Variants in DYNC2H1 observed in about 807,000 individuals in gnomAD.
DYNC2H1 encodes dynein cytoplasmic 2 heavy chain 1.
In DYNC2H1, 410 loss-of-function variants were observed where a neutral mutation model predicts 570.0. The ratio of observed to expected loss-of-function variants is 0.72; its 90% confidence interval spans 0.66 to 0.78. DYNC2H1 has a LOEUF of 0.78. Among genes scored for constraint, DYNC2H1 ranks in the 30% least tolerant of loss-of-function variants. The pLI is 0.00. For synonymous variants in DYNC2H1, 1,688 were observed against 1,677.6 expected (o/e 1.01, Z -0.15); for missense variants, 4,865 against 5,046.4 (o/e 0.96, Z 1.09).
chr11:103,356,530 C>G (rs947001389), intron 82 of DYNC2H1, among the ~76,000 whole-genome samples: 1 of 152,026 alleles, frequency 6.6e-6, no homozygotes, highest in African/African-American at 2.4e-5. Flanking sequence ...TGTTTTCTGT[C>G]ATGTTTGACA....
At position 103,343,925 on chromosome 11, in the gene DYNC2H1, A is replaced by G. The variant is rs115981431; in HGVS notation, c.12040-14318A>G. On this transcript the variant is annotated intron_variant, in intron 82 of 88. Coordinates refer to ENST00000375735, the MANE Select transcript of DYNC2H1 (RefSeq NM_001377.3). ...TATTGCATATCTTATTTAAGACTAT[A>G]CACTTCAACAATTTCTACCTGTGAT... Among the ~76,000 whole-genome samples, 762 of 152,346 alleles carry G rather than the reference A, an allele frequency of 5.0e-3. 2 individuals carry two copies. Among genetic ancestry groups the G allele is most frequent in the African/African-American group, 0.018 (729 of 41,592 alleles).
intron 83 of DYNC2H1, among the ~76,000 whole-genome samples, chr11:103,362,320 CTTT>C (rs879453459): frequency 4.2e-5 from 3 of 71,618 alleles, no homozygotes; most frequent in African/African-American, 4.2e-5. Flanking sequence ...TAATTTTTTT[CTTT>C]TTTTTTTTTC....
intron 83 of DYNC2H1, among the ~76,000 whole-genome samples, chr11:103,375,994 C>A (rs2671378): frequency 4.7e-4 from 71 of 152,030 alleles, no homozygotes; most frequent in African/African-American, 6.3e-4. Flanking sequence ...TAATCCCCAC[C>A]TGTTATTTGA....
chr11:103,176,180 C>G, intron 36 of DYNC2H1, 55 bp from the exon 37 acceptor site: 1 of 1,367,896 alleles, frequency 7.3e-7, no homozygotes, highest in Non-Finnish European at 9.6e-7. Flanking sequence ...TATTTAAAAA[C>G]TTTTTTCATC....
intron 78 of DYNC2H1, among the ~76,000 whole-genome samples, chr11:103,309,913 A>G (rs1867497346): frequency 6.6e-6 from 1 of 152,088 alleles, no homozygotes; most frequent in Admixed American, 6.6e-5. Context: ...ATTTGATTAT[A>G]TTTTTATGGG....
intron 40 of DYNC2H1, among the ~76,000 whole-genome samples, chr11:103,184,493 G>C (rs544677743): frequency 6.6e-6 from 1 of 151,952 alleles, no homozygotes; most frequent in East Asian, 1.9e-4. Flanking sequence ...TGTCATTTAT[G>C]CCTGCTTTTT....
chr11:103,225,072 T>C (rs1297292751), intron 59 of DYNC2H1, among the ~76,000 whole-genome samples: 1 of 152,224 alleles, frequency 6.6e-6, no homozygotes, highest in Non-Finnish European at 1.5e-5. Flanking sequence ...TCTATTCATG[T>C]TCTTAGCCCA....
intron 70 of DYNC2H1, among the ~76,000 whole-genome samples, chr11:103,274,182 G>GAT (rs1243092527): frequency 6.6e-6 from 1 of 151,344 alleles, no homozygotes; most frequent in Non-Finnish European, 1.5e-5. Flanking sequence ...GTGTGTCACA[G>GAT]ATATATATAT....
chr11:103,372,652 A>G (rs939233303), intron 83 of DYNC2H1, among the ~76,000 whole-genome samples: 2 of 152,086 alleles, frequency 1.3e-5, no homozygotes, highest in East Asian at 3.9e-4. Context: ...GAGTTTTCAC[A>G]TCTATGTTTC....
At chr11:103,396,948 G>C (rs12417358) in intron 83 of DYNC2H1, among the ~76,000 whole-genome samples, 20,315 of 152,102 alleles carry the variant, frequency 0.13, 1,616 homozygotes, top group Admixed American at 0.24. Flanking sequence ...ATACAAAGTG[G>C]AATAATAGAT....
At chr11:103,425,853 C>CTA (rs1387732909) in intron 84 of DYNC2H1, among the ~76,000 whole-genome samples, 6 of 151,650 alleles carry the variant, frequency 4.0e-5, no homozygotes, top group African/African-American at 1.4e-4. Flanking sequence ...TTTATAAATA[C>CTA]TATATATATA....
intron 17 of DYNC2H1, among the ~76,000 whole-genome samples, chr11:103,137,173 G>A (rs1208827345): frequency 2.7e-5 from 4 of 148,180 alleles, no homozygotes; most frequent in African/African-American, 7.4e-5. Context: ...CCATTTTGTA[G>A]GTTGCCTGTT....
At chr11:103,450,408 G>C (rs1024759425) in intron 85 of DYNC2H1, among the ~76,000 whole-genome samples, 1 of 152,154 alleles carries the variant, frequency 6.6e-6, no homozygotes, top group Admixed American at 6.5e-5. Context: ...TGCGCACAGG[G>C]TGTTTACAGT....
chr11:103,243,728 C>A lies in DYNC2H1; in HGVS notation c.9855C>A (p.Ser3285=). The A allele has an allele frequency of 6.2e-7, 1 of 1,606,258 alleles. No homozygotes were observed. The highest frequency in any genetic ancestry group is 8.5e-7 in the Non-Finnish European group (1 of 1,175,988). The part of the protein sequence containing the change: ...RVCPFLIDPS[S]QATEWLKTHL... ...GCCCATTTCTTATAGATCCTTCTTC[C>A]CAAGCTACAGAGTGGTTAAAAACAC... Residue 3285 remains serine, a synonymous_variant, in exon 64 of 89, where the codon TCC becomes TCA. Transcript: ENST00000375735. The surrounding 1 kb of genome is among the most constrained non-coding windows in gnomAD (Gnocchi z 4.8).
At chr11:103,410,789 G>T (rs1943053437) in intron 84 of DYNC2H1, among the ~76,000 whole-genome samples, 1 of 135,864 alleles carries the variant, frequency 7.4e-6, no homozygotes, top group African/African-American at 2.8e-5. Context: ...TATTAGCTTG[G>T]GTTAATTGTA....
intron 61 of DYNC2H1, among the ~76,000 whole-genome samples, chr11:103,234,643 T>C (rs1403167395): frequency 2.6e-5 from 4 of 151,954 alleles, no homozygotes; most frequent in African/African-American, 9.7e-5. Context: ...TGATTGTCCT[T>C]GTTATTCTCT....
chr11:103,220,640 T>A lies in DYNC2H1; in HGVS notation c.8964T>A (p.Ala2988=). ...TCTTTTAGCCTTTAGTCAATGAAGC[T>A]AAACTAGCAGTTGGAAACATTAAGC... is the stretch of plus-strand genomic sequence containing the variant. The part of the protein sequence containing the change: ...LKEVQPLVNE[A]KLAVGNIKPE... Residue 2988 remains alanine (A), a synonymous_variant, in exon 57 of 89, where the codon GCT becomes GCA. Coordinates refer to ENST00000375735, the MANE Select transcript of DYNC2H1 (RefSeq NM_001377.3). 1 of 1,608,904 alleles carries A rather than the reference T, an allele frequency of 6.2e-7. No individual in the cohort carries two copies. The highest frequency in any genetic ancestry group is 8.5e-7 in the Non-Finnish European group (1 of 1,177,722).
chr11:103,131,056 T>A (rs1393259533), intron 13 of DYNC2H1, among the ~76,000 whole-genome samples: 1 of 152,210 alleles, frequency 6.6e-6, no homozygotes, highest in Non-Finnish European at 1.5e-5. Context: ...GAGCATCTCC[T>A]ATATTCCAGA....
intron 82 of DYNC2H1, among the ~76,000 whole-genome samples, chr11:103,351,547 AT>A (rs1239835012): frequency 6.6e-6 from 1 of 152,176 alleles, no homozygotes; most frequent in African/African-American, 2.4e-5. Flanking sequence ...TTAAGAATTT[AT>A]TGATGAATTT....
Sources: gnomAD v4.1 joint callset for allele counts (sites outside exome capture counted in the v4.1 genomes callset) on GRCh38, gnomAD v4.1.1 for gene constraint, Gnocchi (gnomAD v3.1) non-coding constraint, MANE v1.5 for transcripts, NCBI Gene and HGNC (gene_info 2026-07-23, HGNC 2026-07-21) for gene names.